The following CCDC42 variants were observed in gnomAD, a reference collection of about 807,000 sequenced individuals.
CCDC42 encodes coiled-coil domain-containing protein 42.
A neutral mutation model predicts 40.8 loss-of-function variants in CCDC42; 38 were observed. The observed-to-expected ratio is 0.93, with a 90% CI of 0.72 to 1.22. The LOEUF (loss-of-function observed/expected upper bound fraction) is 1.22. CCDC42 is among the 50% of genes most tolerant of loss of function. The probability of loss-of-function intolerance (pLI) is 0.00; values close to 1 mark genes in which losing one functional copy is unlikely to be tolerated. For missense variants in CCDC42, 379 were observed against 416.5 expected (o/e 0.91, Z 0.78); for synonymous variants, 135 against 157.5 (o/e 0.86, Z 1.07).
chr17:8,730,834 G>A (rs576476280), intron 6 of CCDC42, among the ~76,000 whole-genome samples: 2 of 152,282 alleles, frequency 1.3e-5, no homozygotes, highest in African/African-American at 4.8e-5. Flanking sequence ...TCACAAGCAG[G>A]CTGGTGGATG....
In CCDC42 at chr17:8,744,563, C is replaced by T. The variant is rs201999758; in HGVS notation, c.47G>A (p.Arg16Gln). Residue 16 changes from arginine to glutamine, a missense_variant, in exon 1 of 7, where the codon CGG (arginine) becomes CAG (glutamine). Physicochemically the swap from Arg to Gln is conservative, Grantham distance 43. Transcript: ENST00000293845. The part of the protein sequence containing the change: ...MEEEDLAEYF[R>Q]LQYGERLLQM... The stretch of plus-strand genomic sequence containing the variant: ...CAGCAGCCGCTCCCCATACTGCAGC[C>T]GGAAGTACTCGGCCAGGTCTTCCTC... 4.2e-5 allele frequency: 68 copies of T among 1,612,534 alleles called. No individual in the cohort carries two copies. The highest frequency in any genetic ancestry group is 2.7e-4 in the East Asian group (12 of 44,854).
At position 8,744,157 on chromosome 17, in the gene CCDC42, C is replaced by T. The variant is rs149123321; in HGVS notation, c.111G>A (p.Ser37=). ...CCAGTAGCCAGATGGATGGGGACTC[C>T]GACGCCCCCTCAACATTGGGGAGTT... The part of the protein sequence containing the change: ...LQKLPNVEGA[S]ESPSIWLLEK... The change falls in exon 2 of 7, where the codon TCG becomes TCA. Residue 37 remains serine (S), a synonymous_variant. Transcript: ENST00000293845. 81 of 1,613,846 alleles carry T rather than the reference C, an allele frequency of 5.0e-5. No homozygotes were observed. In the African/African-American group the frequency reaches 8.1e-4, roughly 16 times the overall value.
Position 8,735,015 on chromosome 17 carries a change from G to A in CCDC42, c.873+81C>T. The A allele has an allele frequency of 1.4e-6, 2 of 1,478,102 alleles. No individual in the cohort carries two copies. The highest frequency in any genetic ancestry group is 9.4e-7 in the Non-Finnish European group (1 of 1,069,106). The allele number at this position is 1,478,102 out of a possible 1,614,324, so 91.6% of individuals were successfully genotyped here. A position where few individuals can be genotyped will look rare whatever the true frequency, so the allele number is the denominator to read the frequency against. On this transcript the variant is annotated intron_variant, in intron 6 of 6. Coordinates refer to ENST00000293845, the MANE Select transcript of CCDC42 (RefSeq NM_144681.3). This position sits in a 1 kb window ranked among gnomAD's most constrained non-coding sequence, Gnocchi z 4.7. ...AGTCCCTGCTCTGCTTCTCTGTCAG[G>A]TTCATTCTTCCACCCAACCAACTGG...
At chr17:8,743,217 C>T in intron 3 of CCDC42, among the ~76,000 whole-genome samples, 1 of 152,192 alleles carries the variant, frequency 6.6e-6, no homozygotes, top group East Asian at 1.9e-4. Context: ...CATCCCCTGC[C>T]TGGACCTTCA....
intron 6 of CCDC42, among the ~76,000 whole-genome samples, chr17:8,731,159 C>T (rs536512306): frequency 1.3e-5 from 2 of 152,202 alleles, no homozygotes; most frequent in South Asian, 4.2e-4. Flanking sequence ...AAGATTGGCC[C>T]AGACAGCCTC....
chr17:8,743,549 A>G (rs1310086898), intron 3 of CCDC42, 77 bp downstream of exon 3: 1 of 846,164 alleles, frequency 1.2e-6, no homozygotes, highest in African/African-American at 1.7e-5. Flanking sequence ...CAGCAGAAGC[A>G]AGGAGGAGGA....
At chr17:8,730,804 G>A (rs948487769) in intron 6 of CCDC42, among the ~76,000 whole-genome samples, 1 of 152,146 alleles carries the variant, frequency 6.6e-6, no homozygotes, top group Non-Finnish European at 1.5e-5. Flanking sequence ...AGTCAAGCAG[G>A]AGGGATAAGA....
In CCDC42 at chr17:8,741,479, A is replaced by G; in HGVS notation, c.487T>C (p.Ser163Pro). 1 of 1,614,128 alleles carries G rather than the reference A, an allele frequency of 6.2e-7. No individual in the cohort carries two copies. Among genetic ancestry groups the G allele is most frequent in the Non-Finnish European group, 8.5e-7 (1 of 1,180,000 alleles). Residue 163 changes from serine to proline, a missense_variant, in exon 4 of 7, where the codon TCC (serine) becomes CCC (proline). Ser to Pro is a moderately conservative substitution (Grantham distance 74). Transcript: ENST00000293845. ...CCCCTGCTCCTTGGACTCACCTCGG[A>G]GTTCTCCACCACCTTCTCTAGGTAC... ...NKYLEKVVEN[S>P]EFEEIHEVIA...
At chr17:8,731,276 G>T (rs148864141) in intron 6 of CCDC42, among the ~76,000 whole-genome samples, 34 of 152,312 alleles carry the variant, frequency 2.2e-4, no homozygotes, top group Middle Eastern at 3.4e-3. Context: ...TGAGGTTGTG[G>T]AGAAAAGGGA....
intron 1 of CCDC42, 46 bp from the exon 2 acceptor site, chr17:8,744,230 G>A (rs371805486): frequency 4.8e-6 from 7 of 1,462,986 alleles, no homozygotes; most frequent in Non-Finnish European, 5.7e-6. Flanking sequence ...CTGACATGGG[G>A]TAGGCTGGGG....
intron 6 of CCDC42, among the ~76,000 whole-genome samples, chr17:8,732,238 G>T (rs891676072): frequency 1.5e-5 from 2 of 135,876 alleles, no homozygotes; most frequent in African/African-American, 5.4e-5. Flanking sequence ...GGCGGAGCTT[G>T]CAGTGAGCCG....
intron 4 of CCDC42, among the ~76,000 whole-genome samples, chr17:8,738,915 T>C (rs562700927): frequency 2.0e-4 from 30 of 152,126 alleles, no homozygotes; most frequent in Admixed American, 5.2e-4. Context: ...AAACATAAGA[T>C]TTGGAAGGAC....
rs145810121 is a variant in CCDC42 at position 8,735,237 on chromosome 17, G to A, written c.732C>T (p.His244=). 100 of 1,614,200 alleles carry A rather than the reference G, an allele frequency of 6.2e-5. No individual in the cohort carries two copies. The Middle Eastern group carries it at 6.6e-4, about 11-fold the overall frequency. The change falls in exon 6 of 7, where the codon CAC becomes CAT. Residue 244 remains histidine, a synonymous_variant. Transcript: ENST00000293845. The surrounding 1 kb of genome is among the most constrained non-coding windows in gnomAD (Gnocchi z 4.7). ...NVIFWESRWA[H]IQNTAAKKTL... The stretch of plus-strand genomic sequence containing the variant: ...TCTTCTTGGCTGCGGTGTTCTGGAT[G>A]TGCGCCCAGCGAGATTCCTGGAGAG...
intron 4 of CCDC42, among the ~76,000 whole-genome samples, chr17:8,739,582 G>A (rs551947233): frequency 1.6e-4 from 25 of 152,084 alleles, no homozygotes; most frequent in African/African-American, 5.8e-4. Context: ...CGCTCTTGTC[G>A]CCCAGGCTGG....
At chr17:8,734,486 C>CTTT (rs202035464) in intron 6 of CCDC42, among the ~76,000 whole-genome samples, 1 of 140,086 alleles carries the variant, frequency 7.1e-6, no homozygotes, top group Non-Finnish European at 1.6e-5. Flanking sequence ...ATGAATTTCA[C>CTTT]TTTTTTTTTT....
chr17:8,740,301 C>A (rs1349284806), intron 4 of CCDC42, among the ~76,000 whole-genome samples: 1 of 151,918 alleles, frequency 6.6e-6, no homozygotes, highest in African/African-American at 2.4e-5. Flanking sequence ...CCAGCCTGAC[C>A]AACATGGTGA....
At chr17:8,731,863 CCTATAT>C (rs2086582501) in intron 6 of CCDC42, among the ~76,000 whole-genome samples, 1 of 152,180 alleles carries the variant, frequency 6.6e-6, no homozygotes, top group African/African-American at 2.4e-5. Flanking sequence ...CATGAGTTTA[CCTATAT>C]AACAAACCTG....
At chr17:8,742,757 G>T (rs2086652940) in intron 3 of CCDC42, among the ~76,000 whole-genome samples, 1 of 152,206 alleles carries the variant, frequency 6.6e-6, no homozygotes, top group African/African-American at 2.4e-5. Context: ...ACAAGCCTGG[G>T]CCCAACCTCA....
At chr17:8,731,355 C>T (rs745697544) in intron 6 of CCDC42, among the ~76,000 whole-genome samples, 1 of 152,152 alleles carries the variant, frequency 6.6e-6, no homozygotes, top group Non-Finnish European at 1.5e-5. Context: ...GGTGATTCCT[C>T]AAAGAATTAA....
Sources: allele counts gnomAD v4.1 joint callset (sites outside exome capture counted in the v4.1 genomes callset), GRCh38; gene constraint gnomAD v4.1.1; non-coding constraint Gnocchi (gnomAD v3.1); transcripts MANE v1.5; gene names NCBI Gene and HGNC (gene_info 2026-07-23, HGNC 2026-07-21).